The following ERCC8 variants were observed in gnomAD, a reference collection of about 807,000 sequenced individuals.
The protein encoded by ERCC8 is DNA excision repair protein ERCC-8.
In ERCC8, 52 loss-of-function variants were observed where a neutral mutation model predicts 54.9. The observed-to-expected ratio is 0.95, with a 90% CI of 0.76 to 1.19. The LOEUF is 1.19. Among genes scored for constraint, ERCC8 ranks in the 50% most tolerant of loss-of-function variants. The pLI is 0.00. For synonymous variants in ERCC8, 146 were observed against 157.2 expected (o/e 0.93, Z 0.53); for missense variants, 514 against 466.1 (o/e 1.10, Z -0.95).
intron 7 of ERCC8, among the ~76,000 whole-genome samples, chr5:60,900,171 T>TA (rs1410073196): frequency 6.6e-6 from 1 of 152,002 alleles, no homozygotes; most frequent in Non-Finnish European, 1.5e-5. Flanking sequence ...TTCCTTTTTA[T>TA]ATAAAAAACG....
At chr5:60,891,223 G>A in intron 9 of ERCC8, 137 bp from the exon 10 acceptor site, 1 of 636,712 alleles carries the variant, frequency 1.6e-6, no homozygotes, top group Non-Finnish European at 2.7e-6. Context: ...AACGTTGACA[G>A]AACAAGGGCC....
rs1483695503 is a variant in ERCC8 at position 60,872,817 on chromosome 5, T to C, written c.*1798A>G. 2.0e-5 allele frequency among the ~76,000 whole-genome samples: 3 copies of C among 152,224 alleles called. No individual in the cohort carries two copies. Among genetic ancestry groups the C allele is most frequent in the Non-Finnish European group, 4.4e-5 (3 of 68,026 alleles). On this transcript the variant is annotated 3_prime_UTR_variant, in exon 12 of 12. Coordinates refer to ENST00000676185, the MANE Select transcript of ERCC8 (RefSeq NM_000082.4). ...TCCAGCAATCCTAATACTGGGCTTATATCCAAAGGATATGAAATCAGTATG... is the reference window on the plus strand; with the variant it reads ...TCCAGCAATCCTAATACTGGGCTTACATCCAAAGGATATGAAATCAGTATG...
At position 60,945,029 on chromosome 5, in the gene ERCC8, GGA is replaced by G; in HGVS notation, c.-23_-22del. ...AGCATATCGTGTCCTCACACCGGCT[GGA>G]GCACTGGACGTCGCCATGACAGAGC... On this transcript the variant is annotated 5_prime_UTR_variant, in exon 1 of 12. Coordinates refer to ENST00000676185, the MANE Select transcript of ERCC8 (RefSeq NM_000082.4). 1 of 1,607,060 alleles carries G rather than the reference GGA, an allele frequency of 6.2e-7. No individual in the cohort carries two copies. Among genetic ancestry groups the G allele is most frequent in the Non-Finnish European group, 8.5e-7 (1 of 1,173,512 alleles).
intron 1 of ERCC8, among the ~76,000 whole-genome samples, chr5:60,941,628 T>C (rs1030985041): frequency 6.6e-6 from 1 of 152,174 alleles, no homozygotes; most frequent in African/African-American, 2.4e-5. Context: ...AGACACATCA[T>C]AATTAAACTG....
At chr5:60,909,907 T>C (rs937228914) in intron 4 of ERCC8, 4 of 151,596 alleles carry the variant, frequency 2.6e-5, no homozygotes, top group Non-Finnish European at 5.9e-5. Context: ...TGAGCTGAGA[T>C]TGCGCCACTG....
At chr5:60,926,776 C>T (rs957146970) in intron 2 of ERCC8, among the ~76,000 whole-genome samples, 5 of 152,106 alleles carry the variant, frequency 3.3e-5, no homozygotes, top group Admixed American at 6.5e-5. Context: ...CTTCATGAAA[C>T]GTTGCTTTTC....
At chr5:60,895,169 CA>C (rs5868257) in intron 9 of ERCC8, among the ~76,000 whole-genome samples, 47,156 of 90,878 alleles carry the variant, frequency 0.52, 8,328 homozygotes, top group Middle Eastern at 0.57. Flanking sequence ...GACTCTACCT[CA>C]AAAAAAAAAA....
At chr5:60,889,425 C>T (rs764210552) in intron 10 of ERCC8, among the ~76,000 whole-genome samples, 6 of 152,186 alleles carry the variant, frequency 3.9e-5, no homozygotes, top group Non-Finnish European at 5.9e-5. Context: ...CTTGCTTCAG[C>T]CTCCTGCACA....
chr5:60,875,188 C>T (rs536106967), intron 11 of ERCC8, among the ~76,000 whole-genome samples: 7 of 152,164 alleles, frequency 4.6e-5, no homozygotes, highest in African/African-American at 1.7e-4. Flanking sequence ...TGAATAATAC[C>T]ATTTTTAGTC....
chr5:60,908,137 C>T (rs942013995), intron 4 of ERCC8, among the ~76,000 whole-genome samples: 4 of 152,032 alleles, frequency 2.6e-5, no homozygotes, highest in African/African-American at 9.7e-5. Flanking sequence ...TCTATGTACT[C>T]CTTTCAAATG....
At position 60,918,408 on chromosome 5, in the gene ERCC8, A is replaced by AT. The variant is rs759620638; in HGVS notation, c.276-21dup. The AT allele has an allele frequency of 1.2e-6, 2 of 1,604,302 alleles. No individual in the cohort carries two copies. The highest frequency in any genetic ancestry group is 1.7e-6 in the Non-Finnish European group (2 of 1,174,528). The stretch of plus-strand genomic sequence containing the variant: ...TGATCTCTACAAAACAGCAATCAAA[A>AT]TTTACATTAACTGACTTATGTGAGT... On this transcript the variant is annotated intron_variant, in intron 3 of 11. Coordinates refer to ENST00000676185, the MANE Select transcript of ERCC8 (RefSeq NM_000082.4).
intron 11 of ERCC8, among the ~76,000 whole-genome samples, chr5:60,879,174 C>T (rs539659212): frequency 1.7e-4 from 26 of 152,200 alleles, no homozygotes; most frequent in South Asian, 4.2e-4. Context: ...TGTAGTTGAG[C>T]GGTTTTGAGT....
rs1321542340 is a variant in ERCC8, at chr5:60,872,705, A to G, written c.*1910T>C. On this transcript the variant is annotated 3_prime_UTR_variant, in exon 12 of 12. Transcript: ENST00000676185. Reference sequence around the variant, plus strand: ...TGTGAAGAAAAAGGAATTCTTGCATATTCTTGGTAGGAATGTAAATTAGTA... The same window carrying G: ...TGTGAAGAAAAAGGAATTCTTGCATGTTCTTGGTAGGAATGTAAATTAGTA... 6.6e-6 allele frequency among the ~76,000 whole-genome samples: 1 copy of G among 152,234 alleles called. No homozygotes were observed. Among genetic ancestry groups the G allele is most frequent in the East Asian group, 1.9e-4 (1 of 5,196 alleles).
chr5:60,892,729 C>G, intron 9 of ERCC8: 2 of 695,234 alleles, frequency 2.9e-6, no homozygotes, highest in Non-Finnish European at 5.3e-6. Context: ...GTGCCCACCT[C>G]TGAGCTGGGC....
At chr5:60,913,948 G>T (rs1360129458) in intron 4 of ERCC8, among the ~76,000 whole-genome samples, 1 of 152,136 alleles carries the variant, frequency 6.6e-6, no homozygotes, top group Admixed American at 6.5e-5. Flanking sequence ...TTTCACTGTG[G>T]TCTGAGAGAG....
intron 11 of ERCC8, among the ~76,000 whole-genome samples, chr5:60,878,460 T>A (rs1358726272): frequency 6.6e-6 from 1 of 152,220 alleles, no homozygotes; most frequent in Non-Finnish European, 1.5e-5. Context: ...CAGCTCCTCC[T>A]TGTACCTCTG....
chr5:60,911,393 T>C (rs1016092197), intron 4 of ERCC8, among the ~76,000 whole-genome samples: 2 of 152,298 alleles, frequency 1.3e-5, no homozygotes, highest in East Asian at 1.9e-4. Flanking sequence ...ATAAATGTCT[T>C]CTTTGAGAAG....
intron 1 of ERCC8, among the ~76,000 whole-genome samples, chr5:60,944,038 C>A (rs575265131): frequency 6.6e-6 from 1 of 152,248 alleles, no homozygotes; most frequent in South Asian, 2.1e-4. Context: ...TTAATGTGGG[C>A]AAAATTAAAA....
intron 11 of ERCC8, among the ~76,000 whole-genome samples, chr5:60,881,715 A>G (rs939195455): frequency 6.6e-6 from 1 of 152,142 alleles, no homozygotes; most frequent in African/African-American, 2.4e-5. Flanking sequence ...GGAAAAGTGC[A>G]GTATTAGGGT....
Sources: gnomAD v4.1 joint callset for allele counts (sites outside exome capture counted in the v4.1 genomes callset) on GRCh38, gnomAD v4.1.1 for gene constraint, MANE v1.5 for transcripts, NCBI Gene and HGNC (gene_info 2026-07-23, HGNC 2026-07-21) for gene names.